The following ARHGEF3 variants were observed in gnomAD, a reference collection of about 807,000 sequenced individuals.
ARHGEF3 encodes the protein Rho guanine nucleotide exchange factor 3.
In ARHGEF3, 28 loss-of-function variants were observed where a neutral mutation model predicts 63.2. That is an observed-to-expected ratio of 0.44 (90% CI 0.33 to 0.61). The LOEUF (loss-of-function observed/expected upper bound fraction) is 0.61. ARHGEF3 is among the 20% of genes least tolerant of loss of function. The pLI, the probability that ARHGEF3 is intolerant of heterozygous loss-of-function variation, is 0.03. For synonymous variants in ARHGEF3, 266 were observed against 254.2 expected (o/e 1.05, Z -0.44); for missense variants, 533 against 659.3 (o/e 0.81, Z 2.10).
intron 2 of ARHGEF3, among the ~76,000 whole-genome samples, chr3:56,759,607 C>G (rs1408733826): frequency 6.6e-6 from 1 of 152,204 alleles, no homozygotes. Flanking sequence ...CCATATCTCA[C>G]TGTAACCTCA....
chr3:57,047,606 A>C (rs1478906404), intron 1 of ARHGEF3, among the ~76,000 whole-genome samples: 3 of 152,190 alleles, frequency 2.0e-5, no homozygotes, highest in Non-Finnish European at 4.4e-5. Flanking sequence ...TGCCATGCAA[A>C]GGTCAGTGTC....
intron 4 of ARHGEF3, among the ~76,000 whole-genome samples, chr3:56,823,423 C>T (rs915916831): frequency 6.6e-6 from 1 of 152,066 alleles, no homozygotes; most frequent in Non-Finnish European, 1.5e-5. Flanking sequence ...CTGCATCTAC[C>T]AGACTGCTAA....
chr3:57,023,629 T>G (rs1263467027), intron 2 of ARHGEF3, among the ~76,000 whole-genome samples: 2 of 152,178 alleles, frequency 1.3e-5, no homozygotes, highest in African/African-American at 2.4e-5. Context: ...CCCTGCCATA[T>G]GACATGATCC....
intron 4 of ARHGEF3, among the ~76,000 whole-genome samples, chr3:56,830,864 G>A (rs1391930499): frequency 1.6e-4 from 25 of 152,128 alleles, no homozygotes; most frequent in Admixed American, 1.6e-3. Flanking sequence ...CCCCTCCTCA[G>A]AGTCTTTCCT....
chr3:56,868,177 A>G (rs114148608), intron 4 of ARHGEF3, among the ~76,000 whole-genome samples: 3,184 of 152,108 alleles, frequency 0.021, 111 homozygotes, highest in African/African-American at 0.072. Context: ...TTTCTTTGAA[A>G]CTCAATGCTT....
At chr3:56,774,929 A>AAC (rs1559928570) in intron 1 of ARHGEF3, 204 of 908,518 alleles carry the variant, frequency 2.2e-4, no homozygotes, top group African/African-American at 1.3e-3. Context: ...ACAACAACAA[A>AAC]AAAAAAACAG....
chr3:57,019,563 G>A (rs1230735931), intron 2 of ARHGEF3, among the ~76,000 whole-genome samples: 1 of 152,144 alleles, frequency 6.6e-6, no homozygotes, highest in Non-Finnish European at 1.5e-5. Flanking sequence ...GTTGGCATGT[G>A]TGTCAGATAT....
At chr3:57,062,501 G>A (rs373585243) in intron 1 of ARHGEF3, among the ~76,000 whole-genome samples, 6 of 152,344 alleles carry the variant, frequency 3.9e-5, no homozygotes, top group South Asian at 2.1e-4. Context: ...TCAGAGAAGA[G>A]GGAAGGAAGC....
chr3:56,980,177 G>A (rs1428675600), intron 2 of ARHGEF3, among the ~76,000 whole-genome samples: 1 of 152,228 alleles, frequency 6.6e-6, no homozygotes, highest in Non-Finnish European at 1.5e-5. Flanking sequence ...AAGTAAGGCA[G>A]TAGCAAGAAG....
intron 3 of ARHGEF3, among the ~76,000 whole-genome samples, chr3:56,912,130 A>T (rs1162085359): frequency 6.6e-6 from 1 of 152,122 alleles, no homozygotes; most frequent in Admixed American, 6.5e-5. Flanking sequence ...AAATCATTTG[A>T]CTTTGAAGTA....
intron 2 of ARHGEF3, among the ~76,000 whole-genome samples, chr3:56,980,246 T>A (rs887854848): frequency 6.6e-5 from 10 of 152,256 alleles, no homozygotes; most frequent in Non-Finnish European, 1.5e-4. Context: ...CCTTAATGCA[T>A]GCTTTTAAAG....
intron 1 of ARHGEF3, among the ~76,000 whole-genome samples, chr3:56,782,063 C>T (rs1043425838): frequency 3.3e-5 from 5 of 152,084 alleles, no homozygotes; most frequent in African/African-American, 1.2e-4. Context: ...AGGGGAGCTG[C>T]CTTGGAGCTT....
intron 3 of ARHGEF3, chr3:56,938,928 G>A (rs1699039347): frequency 6.6e-6 from 1 of 152,272 alleles, no homozygotes; most frequent in African/African-American, 2.4e-5. Context: ...CCAGGACTCA[G>A]GTAGTGTGGT....
At position 56,763,499 on chromosome 3, in the gene ARHGEF3, G is replaced by A. The variant is rs963287355; in HGVS notation, c.205-8348C>T. Among the ~76,000 whole-genome samples, 5 of 152,222 alleles carry A rather than the reference G, an allele frequency of 3.3e-5. No homozygotes were observed. In the South Asian group the frequency reaches 1.0e-3, roughly 32 times the overall value. On this transcript the variant is annotated intron_variant, in intron 2 of 9. Coordinates refer to ENST00000296315, the MANE Select transcript of ARHGEF3 (RefSeq NM_019555.3). ...AAACAGCCTAAAATGTTCTACAATA[G>A]GGATTAAACAAATTACTCTGCAACA...
chr3:57,044,354 G>A (rs899721347), intron 1 of ARHGEF3, among the ~76,000 whole-genome samples: 21 of 152,316 alleles, frequency 1.4e-4, no homozygotes, highest in Middle Eastern at 3.4e-3. Context: ...CACAGGAAAA[G>A]AAGGCATCAA....
At chr3:56,738,595 G>C (rs1412119420) in intron 7 of ARHGEF3, among the ~76,000 whole-genome samples, 4 of 152,224 alleles carry the variant, frequency 2.6e-5, no homozygotes, top group African/African-American at 9.6e-5. Flanking sequence ...CCAGGATCTA[G>C]AGCACATGTG....
chr3:56,991,907 G>A (rs1480748020), intron 2 of ARHGEF3, among the ~76,000 whole-genome samples: 4 of 152,092 alleles, frequency 2.6e-5, no homozygotes, highest in South Asian at 2.1e-4. Flanking sequence ...GAGCCACCGC[G>A]CCCGGCCCAT....
Position 56,737,182 on chromosome 3 carries a change from T to TA in ARHGEF3, c.1041+2dup, listed in dbSNP as rs1364646172. On this transcript the variant is annotated splice_region_variant and intron_variant, in intron 8 of 9. Transcript: ENST00000296315. The stretch of plus-strand genomic sequence containing the variant: ...AGACTGCTTAAAGGGAGTAACTACT[T>TA]ACCACGCCCCGATTGTTCTTCAGTT... 1 of 1,612,442 alleles carries TA rather than the reference T, an allele frequency of 6.2e-7. No homozygotes were observed. The highest frequency in any genetic ancestry group is 8.5e-7 in the Non-Finnish European group (1 of 1,179,052).
chr3:56,959,222 A>G (rs766306010), intron 2 of ARHGEF3, among the ~76,000 whole-genome samples: 5 of 152,190 alleles, frequency 3.3e-5, no homozygotes, highest in Non-Finnish European at 7.3e-5. Context: ...CAATTCCCAC[A>G]TGGACACTAT....
Sources: allele counts gnomAD v4.1 joint callset (sites outside exome capture counted in the v4.1 genomes callset), GRCh38; gene constraint gnomAD v4.1.1; transcripts MANE v1.5; gene names NCBI Gene and HGNC (gene_info 2026-07-23, HGNC 2026-07-21).